SIM2: variants seen among roughly 807,000 people sequenced by gnomAD.
SIM2 encodes SIM bHLH transcription factor 2.
Under a neutral mutation model 64.8 loss-of-function variants are expected in SIM2, and 28 were observed. The observed-to-expected ratio is 0.43, with a 90% CI of 0.32 to 0.59. The LOEUF is 0.59. Among genes scored for constraint, SIM2 ranks in the 20% least tolerant of loss-of-function variants. SIM2 has a pLI of 0.07. For synonymous variants in SIM2, 408 were observed against 391.1 expected, an observed-to-expected ratio of 1.04 and a Z score of -0.51; for missense variants, 847 against 871.4, an observed-to-expected ratio of 0.97 and a Z score of 0.35.
In SIM2 at chr21:36,747,937, C is replaced by G; in HGVS notation, c.1849C>G (p.Pro617Ala). ...GCGCGGACCGCTGGGGGGCGCCGCA[C>G]CCGCCGCCTCCGGCCTGGCCTGCGC... ...ARRGPLGGAA[P>A]AASGLACAPG... Residue 617 changes from proline to alanine, a missense_variant, in exon 11 of 11, where the codon CCC becomes GCC. By Grantham distance (27) the Pro-to-Ala change is conservative. This residue lies in a region of SIM2 where 447 missense variants were observed against 414.6 expected (regional missense o/e 1.08). Coordinates refer to ENST00000290399, the MANE Select transcript of SIM2 (RefSeq NM_005069.6). The surrounding 1 kb of genome is among the most constrained non-coding windows in gnomAD (Gnocchi z 4.5). 1 of 1,029,448 alleles carries G rather than the reference C, an allele frequency of 9.7e-7. No individual in the cohort carries two copies. The highest frequency in any genetic ancestry group is 3.4e-5 in the South Asian group (1 of 29,466). The allele number at this position is 1,029,448 out of a possible 1,614,324, so 63.8% of individuals were successfully genotyped here.
At position 36,744,854 on chromosome 21, in the gene SIM2, T is replaced by C. The variant is rs772521090; in HGVS notation, c.1294T>C (p.Tyr432His). The C allele has an allele frequency of 6.2e-7, 1 of 1,614,244 alleles. No homozygotes were observed. Among genetic ancestry groups the C allele is most frequent in the South Asian group, 1.1e-5 (1 of 91,090 alleles). The change falls in exon 10 of 11, where the codon TAC becomes CAC. Residue 432 changes from tyrosine (Y) to histidine (H), a missense_variant. Physicochemically the swap from Tyr to His is moderately conservative, Grantham distance 83. Coordinates refer to ENST00000290399, the MANE Select transcript of SIM2 (RefSeq NM_005069.6). ...QPHSESSDLL[Y>H]TPSYSLPFSY... The stretch of plus-strand genomic sequence containing the variant: ...CCACTCAGAAAGCAGTGACCTTCTG[T>C]ACACGCCATCCTACAGCCTGCCCTT...
chr21:36,737,693 A>G (rs11701520), intron 7 of SIM2, among the ~76,000 whole-genome samples: 43,896 of 152,136 alleles, frequency 0.29, 7,937 homozygotes, highest in Non-Finnish European at 0.41. Context: ...ATGTGCAGCT[A>G]TTAAAACATT....
At chr21:36,721,787 C>T (rs2284985) in intron 4 of SIM2, among the ~76,000 whole-genome samples, 10,004 of 152,164 alleles carry the variant, frequency 0.066, 345 homozygotes, top group Middle Eastern at 0.12. Context: ...CTCCCCCTAC[C>T]CCCGGTTTCA....
At chr21:36,746,233 T>C (rs906781966) in intron 10 of SIM2, 2 of 177,026 alleles carry the variant, frequency 1.1e-5, no homozygotes, top group Non-Finnish European at 2.4e-5. Context: ...GAGGATCACT[T>C]GAACCCGGGA....
intron 1 of SIM2, among the ~76,000 whole-genome samples, chr21:36,700,727 A>G (rs975849137): frequency 3.3e-5 from 5 of 152,186 alleles, no homozygotes; most frequent in African/African-American, 1.2e-4. Context: ...GGGGTGCGGG[A>G]AGTCCGGGCA....
rs2089193306 is a variant in SIM2 at position 36,743,702 on chromosome 21, A to G, written c.1167+147A>G. On this transcript the variant is annotated intron_variant, in intron 9 of 10. Coordinates refer to ENST00000290399, the MANE Select transcript of SIM2 (RefSeq NM_005069.6). The stretch of plus-strand genomic sequence containing the variant: ...AAGGTCCCTCTGGGATGTCTTGCCT[A>G]CACAGTAGTGACAGCCCGGGGAAGG... 8 of 785,304 alleles carry G rather than the reference A, an allele frequency of 1.0e-5. No homozygotes were observed. The East Asian group carries it at 1.7e-4, about 17-fold the overall frequency. The allele number at this position is 785,304 out of a possible 1,614,324, so 48.6% of individuals were successfully genotyped here.
intron 3 of SIM2, 42 bp downstream of exon 3, chr21:36,712,664 G>C (rs370793667): frequency 2.2e-6 from 3 of 1,342,140 alleles, no homozygotes; most frequent in Admixed American, 1.8e-5. Flanking sequence ...AATATTAAAC[G>C]AAGTGACAGC....
chr21:36,707,389 A>G (rs991013576), intron 1 of SIM2, among the ~76,000 whole-genome samples: 4 of 151,912 alleles, frequency 2.6e-5, no homozygotes, highest in Non-Finnish European at 4.4e-5. Context: ...ATGCGGGGTG[A>G]GCGCGATTTC....
At chr21:36,714,225 T>A (rs1247599278) in intron 3 of SIM2, among the ~76,000 whole-genome samples, 1 of 152,322 alleles carries the variant, frequency 6.6e-6, no homozygotes, top group South Asian at 2.1e-4. Flanking sequence ...TTACTTACCT[T>A]TTTTAGTCAT....
chr21:36,713,098 A>G (rs762282345), intron 3 of SIM2, among the ~76,000 whole-genome samples: 6 of 152,214 alleles, frequency 3.9e-5, no homozygotes, highest in African/African-American at 7.2e-5. Context: ...GAGTGTTCGC[A>G]TGGAATTCGG....
intron 8 of SIM2, 21 bp downstream of exon 8, chr21:36,741,885 T>A (rs2089166386): frequency 1.3e-6 from 2 of 1,540,276 alleles, no homozygotes; most frequent in Non-Finnish European, 1.8e-6. Context: ...CGTATTTGTT[T>A]CTCTCCTTGC....
chr21:36,705,746 T>A (rs983342975), intron 1 of SIM2, among the ~76,000 whole-genome samples: 1 of 152,188 alleles, frequency 6.6e-6, no homozygotes, highest in African/African-American at 2.4e-5. Flanking sequence ...CAGGTCCGAT[T>A]TTCCATGGAG....
In SIM2 at chr21:36,720,085, G is replaced by T. The variant is rs1006333420; in HGVS notation, c.457+156G>T. On this transcript the variant is annotated intron_variant, in intron 4 of 10. Coordinates refer to ENST00000290399, the MANE Select transcript of SIM2 (RefSeq NM_005069.6). ...CCAATACACACACAGCACCCACCAC[G>T]TGGGGATTTGCATTGATACCTGTGT... 4 of 604,384 alleles carry T rather than the reference G, an allele frequency of 6.6e-6. No individual in the cohort carries two copies. In the South Asian group the frequency reaches 7.9e-5, roughly 12 times the overall value. 37.4% of individuals were successfully genotyped at this position (604,384 alleles called of 1,614,324 possible).
At position 36,745,933 on chromosome 21, in the gene SIM2, A is replaced by G; in HGVS notation, c.1576+797A>G. The G allele has an allele frequency of 7.9e-7, 1 of 1,260,144 alleles. No individual in the cohort carries two copies. The allele number at this position is 1,260,144 out of a possible 1,614,324, so 78.1% of individuals were successfully genotyped here. A position where few individuals can be genotyped will look rare whatever the true frequency, so the allele number is the denominator to read the frequency against. Reference sequence around the variant, plus strand: ...GCTGCAGGACATGTATTCCCATTGCACCGAGACCTAACTGCCGCTCAGAGT... The same window carrying G: ...GCTGCAGGACATGTATTCCCATTGCGCCGAGACCTAACTGCCGCTCAGAGT... On this transcript the variant is annotated intron_variant, in intron 10 of 10. Transcript: ENST00000290399. The surrounding 1 kb of genome is among the most constrained non-coding windows in gnomAD (Gnocchi z 4.8).
At position 36,740,057 on chromosome 21, in the gene SIM2, AAG is replaced by A. The variant is rs151240705; in HGVS notation, c.851-1656_851-1655del. Reference sequence around the variant, plus strand: ...AAAGAAAGAAAGAAAGAAAGAAAGAAAGAGAAAATGCCACTCACCATAGATTA... The same window carrying A: ...AAAGAAAGAAAGAAAGAAAGAAAGAAAGAAAATGCCACTCACCATAGATTA... On this transcript the variant is annotated intron_variant, in intron 7 of 10. Transcript: ENST00000290399. Among the ~76,000 whole-genome samples the A allele has an allele frequency of 5.0e-3, 675 of 134,816 alleles. 10 individuals are homozygous for A. Among genetic ancestry groups the A allele is most frequent in the African/African-American group, 0.018 (618 of 34,392 alleles). The allele number at this position is 134,816 out of a possible 152,430, so 88.4% of individuals were successfully genotyped here.
chr21:36,737,157 G>A (rs1477629918), intron 7 of SIM2, among the ~76,000 whole-genome samples: 1 of 152,196 alleles, frequency 6.6e-6, no homozygotes, highest in African/African-American at 2.4e-5. Context: ...TTAAGCTCCT[G>A]TGTTCAAGTG....
At chr21:36,706,181 A>G (rs1314687737) in intron 1 of SIM2, among the ~76,000 whole-genome samples, 2 of 152,216 alleles carry the variant, frequency 1.3e-5, no homozygotes, top group Non-Finnish European at 2.9e-5. Flanking sequence ...AACGGCAGGC[A>G]GGGTGTGGGA....
chr21:36,742,215 C>G (rs896179662), intron 8 of SIM2, among the ~76,000 whole-genome samples: 2 of 152,004 alleles, frequency 1.3e-5, no homozygotes, highest in African/African-American at 2.4e-5. Context: ...GCACACCCCC[C>G]ATCAAGAATA....
Position 36,699,705 on chromosome 21 carries a change from C to T in SIM2, c.-42C>T, listed in dbSNP as rs1309656181. 1.9e-5 allele frequency: 30 copies of T among 1,595,928 alleles called. No homozygotes were observed. The highest frequency in any genetic ancestry group is 1.8e-5 in the Non-Finnish European group (21 of 1,172,044). ...GCAGCCCGAGCGGGGCTCCGCGGGC[C>T]TGGAGCACGGCCGGGTCTAATATGC... On this transcript the variant is annotated 5_prime_UTR_variant, in exon 1 of 11. Coordinates refer to ENST00000290399, the MANE Select transcript of SIM2 (RefSeq NM_005069.6). The surrounding 1 kb of genome is among the most constrained non-coding windows in gnomAD (Gnocchi z 5.6).
Sources: allele counts gnomAD v4.1 joint callset (sites outside exome capture counted in the v4.1 genomes callset), GRCh38; gene constraint gnomAD v4.1.1; regional missense constraint gnomAD v4.1.1; non-coding constraint Gnocchi (gnomAD v3.1); transcripts MANE v1.5; gene names NCBI Gene and HGNC (gene_info 2026-07-23, HGNC 2026-07-21).